DST: variants seen among roughly 807,000 people sequenced by gnomAD.
DST encodes the protein dystonin.
A neutral mutation model predicts 875.2 loss-of-function variants in DST; 253 were observed. The ratio of observed to expected loss-of-function variants is 0.29; its 90% CI spans 0.26 to 0.32. DST has a LOEUF of 0.32. DST is among the 10% of genes least tolerant of loss of function. DST has a pLI of 1.00. For missense variants in DST, 8,287 were observed against 9,111.6 expected, an observed-to-expected ratio of 0.91 and a Z score of 3.68; for synonymous variants, 3,124 against 3,197.1, an observed-to-expected ratio of 0.98 and a Z score of 0.77.
At chr6:56,486,146 G>A (rs899668622) in intron 87 of DST, among the ~76,000 whole-genome samples, 1 of 151,848 alleles carries the variant, frequency 6.6e-6, no homozygotes, top group East Asian at 1.9e-4. Context: ...GGCGGATCAC[G>A]AGGTCAGGAG....
chr6:56,563,458 A>G lies in DST; in HGVS notation c.14006-1258T>C, dbSNP rs185635011. Among the ~76,000 whole-genome samples, 236 of 152,028 alleles carry G rather than the reference A, an allele frequency of 1.6e-3. 1 individual carries two copies. Among genetic ancestry groups the G allele is most frequent in the Non-Finnish European group, 2.1e-3 (144 of 67,958 alleles). Reference sequence around the variant, plus strand: ...TGTTTTTTTTCTTGTAAATTTGTATAAGTTCCTTGTAGATTCTGGTATCAG... The same window carrying G: ...TGTTTTTTTTCTTGTAAATTTGTATGAGTTCCTTGTAGATTCTGGTATCAG... On this transcript the variant is annotated intron_variant, in intron 55 of 103. Transcript: ENST00000680361.
At chr6:56,649,859 G>A (rs1232612102) in intron 12 of DST, among the ~76,000 whole-genome samples, 1 of 152,186 alleles carries the variant, frequency 6.6e-6, no homozygotes, top group Non-Finnish European at 1.5e-5. Flanking sequence ...GCAGTGGGAA[G>A]AAGAACAAAA....
intron 4 of DST, among the ~76,000 whole-genome samples, chr6:56,795,029 G>T (rs2099737307): frequency 6.6e-6 from 1 of 152,110 alleles, no homozygotes; most frequent in Admixed American, 6.5e-5. Flanking sequence ...AGGCTTCTGA[G>T]CAAAGCCCCT....
chr6:56,796,134 G>A (rs929302350), intron 4 of DST, among the ~76,000 whole-genome samples: 1 of 152,164 alleles, frequency 6.6e-6, no homozygotes. Context: ...TTCTGTGCAA[G>A]TAAGACCCAA....
intron 4 of DST, among the ~76,000 whole-genome samples, chr6:56,757,842 T>C (rs1356320052): frequency 6.6e-6 from 1 of 152,208 alleles, no homozygotes; most frequent in Non-Finnish European, 1.5e-5. Flanking sequence ...ATGCCAGTCC[T>C]GGACTGCCTC....
chr6:56,736,944 C>A (rs186312879), intron 4 of DST, among the ~76,000 whole-genome samples: 3 of 152,198 alleles, frequency 2.0e-5, no homozygotes, highest in African/African-American at 7.2e-5. Flanking sequence ...GAGGCCAATG[C>A]AGGCAAATTG....
intron 3 of DST, among the ~76,000 whole-genome samples, chr6:56,890,195 G>C (rs1252565125): frequency 6.6e-6 from 1 of 152,134 alleles, no homozygotes; most frequent in Non-Finnish European, 1.5e-5. Context: ...TTCCTCCCTG[G>C]AAAGTGAGCA....
At position 56,608,010 on chromosome 6, in the gene DST, C is replaced by T. The variant is rs1344476537; in HGVS notation, c.6618G>A (p.Met2206Ile). Residue 2206 changes from methionine (M) to isoleucine (I), a missense_variant, in exon 40 of 104, where the codon ATG becomes ATA. Around this residue, in one of 10 missense-constraint regions of DST, gnomAD observed 3,138 missense variants for 3,116.6 expected, o/e 1.01. Coordinates refer to ENST00000680361, the MANE Select transcript of DST (RefSeq NM_001374736.1). ...TGTTTGCATCCATATAGCTATTTAT[C>T]ATTAAATAAGATAGAAATAATTTTT... Reference protein sequence around the residue: ...ETKKLFLSYLMINSYMDANTG... With the variant: ...ETKKLFLSYLIINSYMDANTG... The T allele has an allele frequency of 2.5e-5, 41 of 1,612,770 alleles. No individual in the cohort carries two copies. Among genetic ancestry groups the T allele is most frequent in the Admixed American group, 3.3e-5 (2 of 59,852 alleles).
At chr6:56,657,626 A>G (rs1393452060) in intron 10 of DST, among the ~76,000 whole-genome samples, 1 of 152,208 alleles carries the variant, frequency 6.6e-6, no homozygotes, top group African/African-American at 2.4e-5. Flanking sequence ...AGCTTCAGTT[A>G]CACTGGATGA....
chr6:56,567,815 TA>T (rs1055673932), intron 55 of DST, among the ~76,000 whole-genome samples: 1 of 152,142 alleles, frequency 6.6e-6, no homozygotes, highest in Non-Finnish European at 1.5e-5. Flanking sequence ...ATTATTTTTT[TA>T]AAAAAACTTG....
At chr6:56,901,038 G>A (rs1793830884) in intron 2 of DST, among the ~76,000 whole-genome samples, 1 of 151,834 alleles carries the variant, frequency 6.6e-6, no homozygotes, top group Non-Finnish European at 1.5e-5. Context: ...ACATTCCTGA[G>A]AGAGACTCTT....
intron 2 of DST, among the ~76,000 whole-genome samples, chr6:56,919,541 T>C (rs1270277001): frequency 6.6e-6 from 1 of 152,214 alleles, no homozygotes; most frequent in African/African-American, 2.4e-5. Context: ...TATAAAAAGA[T>C]TTTAAAAAGA....
intron 9 of DST, among the ~76,000 whole-genome samples, chr6:56,683,578 A>T (rs1446979602): frequency 6.6e-6 from 1 of 152,194 alleles, no homozygotes; most frequent in East Asian, 1.9e-4. Context: ...GTGACATGGC[A>T]CGTATCAGGT....
At position 56,769,111 on chromosome 6, in the gene DST, CA is replaced by C. The variant is rs573598720; in HGVS notation, c.626-33823del. On this transcript the variant is annotated intron_variant, in intron 4 of 103. Transcript: ENST00000680361. The stretch of plus-strand genomic sequence containing the variant: ...AAAAAATCAATCATAAGAAAGCAAA[CA>C]ACTCAGTTTAAAAGTGGGCAAAATA... 4.9e-4 allele frequency among the ~76,000 whole-genome samples: 75 copies of C among 152,178 alleles called. 3 individuals are homozygous for C. The South Asian group carries it at 0.015, about 31-fold the overall frequency.
intron 4 of DST, chr6:56,843,482 G>A (rs1171003825): frequency 1.1e-5 from 11 of 991,600 alleles, no homozygotes; most frequent in Non-Finnish European, 1.3e-5. Context: ...CGGGGCGTGC[G>A]GCGAGGGCGG....
intron 44 of DST, among the ~76,000 whole-genome samples, chr6:56,600,830 A>G (rs2098439453): frequency 6.6e-6 from 1 of 152,088 alleles, no homozygotes. Flanking sequence ...CCTACTATGT[A>G]TACACTAATT....
At position 56,776,744 on chromosome 6, in the gene DST, A is replaced by G. The variant is rs115314632; in HGVS notation, c.626-41455T>C. Among the ~76,000 whole-genome samples the G allele has an allele frequency of 3.7e-3, 571 of 152,330 alleles. 2 individuals carry two copies. Among genetic ancestry groups the G allele is most frequent in the Non-Finnish European group, 6.9e-3 (470 of 68,038 alleles). On this transcript the variant is annotated intron_variant, in intron 4 of 103. Coordinates refer to ENST00000680361, the MANE Select transcript of DST (RefSeq NM_001374736.1). ...GATTCACAATAAAAAATATTGTTAA[A>G]AAGGCAAACTCTACACCTAAATTAT...
At chr6:56,645,290 C>A (rs2152787560) in intron 15 of DST, among the ~76,000 whole-genome samples, 1 of 152,274 alleles carries the variant, frequency 6.6e-6, no homozygotes, top group Non-Finnish European at 1.5e-5. Flanking sequence ...TTCCTGAAGA[C>A]TAAATGGTAC....
intron 90 of DST, 60 bp downstream of exon 90, chr6:56,481,990 T>G: frequency 6.5e-7 from 1 of 1,542,110 alleles, no homozygotes; most frequent in African/African-American, 1.4e-5. Context: ...TAATCCCGAG[T>G]CTATTTTCCC....
Sources: gnomAD v4.1 joint callset for allele counts (sites outside exome capture counted in the v4.1 genomes callset) on GRCh38, gnomAD v4.1.1 for gene constraint, gnomAD v4.1.1 regional missense constraint, MANE v1.5 for transcripts, NCBI Gene and HGNC (gene_info 2026-07-23, HGNC 2026-07-21) for gene names.